Variants in NECTIN3 observed in about 807,000 individuals in gnomAD.
NECTIN3 encodes nectin cell adhesion molecule 3.
A neutral mutation model predicts 49.4 loss-of-function variants in NECTIN3; 8 were observed. That is an observed-to-expected ratio of 0.16 (90% confidence interval 0.10 to 0.29). NECTIN3 has a LOEUF of 0.29. Among genes scored for constraint, NECTIN3 ranks in the 10% least tolerant of loss-of-function variants. The pLI is 1.00. For missense variants in NECTIN3, 581 were observed against 654.6 expected (o/e 0.89, Z 1.23); for synonymous variants, 277 against 241.1 (o/e 1.15, Z -1.38).
chr3:111,192,203 C>T (rs2035824997), upstream of NECTIN3: 1 of 676,850 alleles, frequency 1.5e-6, no homozygotes, highest in East Asian at 2.8e-5. Context: ...AATATGGTTA[C>T]TTTTTCTTAC....
intron 1 of NECTIN3, among the ~76,000 whole-genome samples, chr3:111,109,186 C>T (rs910250715): frequency 6.6e-6 from 1 of 151,926 alleles, no homozygotes; most frequent in Non-Finnish European, 1.5e-5. Context: ...CATGGGGAGC[C>T]CACCTGTATG....
intron 7 of NECTIN3, among the ~76,000 whole-genome samples, chr3:111,182,340 G>C (rs1030890047): frequency 2.0e-5 from 3 of 152,052 alleles, no homozygotes; most frequent in Non-Finnish European, 4.4e-5. Flanking sequence ...TGTCACTTAG[G>C]TCAAGTTGGT....
Position 111,161,034 on chromosome 3 carries a change from A to G in NECTIN3, c.1221+13550A>G, listed in dbSNP as rs565412396. Among the ~76,000 whole-genome samples the G allele has an allele frequency of 3.1e-3, 471 of 152,350 alleles. 2 individuals are homozygous for G. The highest frequency in any genetic ancestry group is 0.011 in the African/African-American group (445 of 41,586). On this transcript the variant is annotated intron_variant, in intron 7 of 8. Transcript: ENST00000493615. ...AAAAAATGGATCGAGTTTAGGGAAG[A>G]TAAGTTTTGGAAACAGAATTAGAGA...
intron 7 of NECTIN3, among the ~76,000 whole-genome samples, chr3:111,179,805 A>G (rs2035595084): frequency 6.6e-6 from 1 of 151,806 alleles, no homozygotes; most frequent in Non-Finnish European, 1.5e-5. Flanking sequence ...AGGCAGAAGA[A>G]TGGTGTGAAC....
intron 7 of NECTIN3, among the ~76,000 whole-genome samples, chr3:111,169,743 T>C (rs568793092): frequency 1.3e-5 from 2 of 152,184 alleles, no homozygotes; most frequent in Admixed American, 6.5e-5. Context: ...AACAGTGTTA[T>C]ATTCAGCTGT....
chr3:111,163,154 G>A (rs1576172200), intron 7 of NECTIN3, among the ~76,000 whole-genome samples: 2 of 152,170 alleles, frequency 1.3e-5, no homozygotes, highest in African/African-American at 4.8e-5. Flanking sequence ...ATGGGGGCTG[G>A]AACAGTTTAC....
intron 5 of NECTIN3, chr3:111,144,765 AAATTT>A: frequency 1.1e-6 from 1 of 909,010 alleles, no homozygotes. Context: ...CTAATGAATG[AAATTT>A]GGGGTCCTCT....
chr3:111,135,886 CTTATTATAAGGCTGTAGTATCAGGT>C lies in NECTIN3; in HGVS notation c.*1673_*1697del. On this transcript the variant is annotated 3_prime_UTR_variant, in exon 6 of 6. Coordinates refer to ENST00000485303, the MANE Select transcript of NECTIN3 (RefSeq NM_015480.3). Reference sequence around the variant, plus strand: ...TTTATTTCTCTTCCCAAAAGTAATACTTATTATAAGGCTGTAGTATCAGGTTAAGGATACAGATAAATAAAGTTCA... The same window carrying C: ...TTTATTTCTCTTCCCAAAAGTAATACTAAGGATACAGATAAATAAAGTTCA... The C allele has an allele frequency of 1.1e-6, 1 of 922,770 alleles. No individual in the cohort carries two copies. Among genetic ancestry groups the C allele is most frequent in the African/African-American group, 1.8e-5 (1 of 55,416 alleles). The allele number at this position is 922,770 out of a possible 1,614,324, so 57.2% of individuals were successfully genotyped here.
chr3:111,169,289 A>C (rs927817230), intron 7 of NECTIN3, among the ~76,000 whole-genome samples: 1 of 148,896 alleles, frequency 6.7e-6, no homozygotes, highest in African/African-American at 2.5e-5. Flanking sequence ...ACGGGGTTTC[A>C]CCATGTTAGC....
chr3:111,109,743 C>A (rs1030451048), intron 1 of NECTIN3, among the ~76,000 whole-genome samples: 1 of 151,924 alleles, frequency 6.6e-6, no homozygotes, highest in Non-Finnish European at 1.5e-5. Flanking sequence ...TATTTTCCCT[C>A]TTCAGTAGTC....
intron 5 of NECTIN3, 106 bp from the exon 6 acceptor site, chr3:111,133,529 A>T (rs1039379133): frequency 3.6e-6 from 5 of 1,396,880 alleles, no homozygotes; most frequent in African/African-American, 2.9e-5. Flanking sequence ...TGTTACTATG[A>T]ATATATATTC....
chr3:111,123,427 CTT>C (rs1475448257), intron 4 of NECTIN3, among the ~76,000 whole-genome samples: 2 of 152,062 alleles, frequency 1.3e-5, no homozygotes, highest in Non-Finnish European at 2.9e-5. Context: ...TTAGTGGATG[CTT>C]TCTCTGCAGT....
At chr3:111,138,290 C>T (rs1041249246), downstream of NECTIN3, among the ~76,000 whole-genome samples, 1 of 151,478 alleles carries the variant, frequency 6.6e-6, no homozygotes, top group Non-Finnish European at 1.5e-5. Context: ...TGATAATACA[C>T]AGTTAGACTG....
At chr3:111,146,451 AAG>A (rs2034879494) in intron 6 of NECTIN3, among the ~76,000 whole-genome samples, 1 of 151,938 alleles carries the variant, frequency 6.6e-6, no homozygotes, top group Non-Finnish European at 1.5e-5. Flanking sequence ...AAAAAAAAAA[AAG>A]AGTGACTAGC....
intron 7 of NECTIN3, among the ~76,000 whole-genome samples, chr3:111,171,192 A>G (rs1247131731): frequency 6.6e-6 from 1 of 152,182 alleles, no homozygotes; most frequent in Admixed American, 6.5e-5. Context: ...CATTAGTGCC[A>G]CCATCTATTT....
At chr3:111,099,704 A>G (rs886699048) in intron 1 of NECTIN3, among the ~76,000 whole-genome samples, 2 of 152,144 alleles carry the variant, frequency 1.3e-5, no homozygotes, top group Non-Finnish European at 2.9e-5. Context: ...AAGTCTAACT[A>G]TGGATCAGTC....
At chr3:111,190,578 A>T (rs1440435167), upstream of NECTIN3, among the ~76,000 whole-genome samples, 1 of 152,246 alleles carries the variant, frequency 6.6e-6, no homozygotes, top group East Asian at 1.9e-4. Context: ...TATTCCTAAT[A>T]GATGGCTGTC....
intron 7 of NECTIN3, among the ~76,000 whole-genome samples, chr3:111,162,569 C>T: frequency 6.6e-6 from 1 of 152,172 alleles, no homozygotes; most frequent in Non-Finnish European, 1.5e-5. Flanking sequence ...CAGTCTCAGG[C>T]AGTCCTTTAT....
intron 1 of NECTIN3, among the ~76,000 whole-genome samples, chr3:111,100,391 C>G (rs2032836544): frequency 6.6e-6 from 1 of 152,136 alleles, no homozygotes; most frequent in Non-Finnish European, 1.5e-5. Flanking sequence ...GTTCAGTGCA[C>G]ACAAACTTGC....
Sources: gnomAD v4.1 joint callset for allele counts (sites outside exome capture counted in the v4.1 genomes callset) on GRCh38, gnomAD v4.1.1 for gene constraint, MANE v1.5 for transcripts, NCBI Gene and HGNC (gene_info 2026-07-23, HGNC 2026-07-21) for gene names.